The following TRRAP variants were observed in gnomAD, a reference collection of about 807,000 sequenced individuals.
The protein encoded by TRRAP is transformation/transcription domain-associated protein.
In TRRAP, 41 loss-of-function variants were observed where a neutral mutation model predicts 438.8. The observed-to-expected ratio is 0.09, with a 90% confidence interval of 0.07 to 0.12. The LOEUF (loss-of-function observed/expected upper bound fraction) is 0.12, where lower values mean the gene tolerates loss of function less well. Ranked by LOEUF, TRRAP falls within the 10% of genes least tolerant of loss-of-function variation. TRRAP has a pLI of 1.00. For synonymous variants in TRRAP, 1,994 were observed against 1,962.9 expected (o/e 1.02, Z -0.42); for missense variants, 3,122 against 5,055.1 (o/e 0.62, Z 11.60).
At chr7:98,960,627 T>C (rs1235101698) in intron 45 of TRRAP, among the ~76,000 whole-genome samples, 1 of 152,214 alleles carries the variant, frequency 6.6e-6, no homozygotes, top group African/African-American at 2.4e-5. Context: ...AGTCTCACTC[T>C]GTCGCCCAGG....
rs782615427 is a variant in TRRAP at position 98,943,028 on chromosome 7, T to C, written c.4473+11T>C. ...AGGAGCGACGGAAACGTGAGTGACT[T>C]GTTTGTTTCTGGGAAGGGCACCAGC... On this transcript the variant is annotated intron_variant, in intron 31 of 72. Transcript: ENST00000456197. 8.1e-6 allele frequency: 13 copies of C among 1,613,768 alleles called. No individual in the cohort carries two copies. The highest frequency in any genetic ancestry group is 2.7e-5 in the African/African-American group (2 of 74,896).
At chr7:98,993,875 G>C in intron 66 of TRRAP, 138 bp downstream of exon 66, 2 of 801,666 alleles carry the variant, frequency 2.5e-6, no homozygotes, top group South Asian at 3.4e-5. Flanking sequence ...CCATGGACCA[G>C]GCAAATAGCT....
chr7:98,974,578 C>G (rs189874315), intron 53 of TRRAP, among the ~76,000 whole-genome samples: 5 of 152,312 alleles, frequency 3.3e-5, no homozygotes, highest in Admixed American at 3.3e-4. Context: ...ACTTGGGGAG[C>G]AGGAGCGGAC....
chr7:98,984,328 A>G lies in TRRAP; in HGVS notation c.9258A>G (p.Ala3086=). 1 of 1,596,630 alleles carries G rather than the reference A, an allele frequency of 6.3e-7. No individual in the cohort carries two copies. Among genetic ancestry groups the G allele is most frequent in the Non-Finnish European group, 8.5e-7 (1 of 1,169,996 alleles). The change falls in exon 61 of 73, where the codon GCA becomes GCG. Residue 3086 remains alanine (A), a synonymous_variant. Transcript: ENST00000456197. ...RQQVKCYLQL[A]GVMGKNECMQ... is the part of the protein sequence containing the mutation. ...AAGTTAAATGCTACCTCCAGCTGGC[A>G]GGCGTCATGGGCAAAAACGAGTGCA...
chr7:98,927,804 A>G (rs911506323), intron 23 of TRRAP, among the ~76,000 whole-genome samples: 63 of 152,086 alleles, frequency 4.1e-4, no homozygotes, highest in Admixed American at 4.6e-4. Flanking sequence ...TTCTGCTCCC[A>G]GGATCCTCAT....
rs781821183 is a variant in TRRAP at position 98,953,406 on chromosome 7, C to T, written c.5703C>T (p.Phe1901=). 9 of 1,612,422 alleles carry T rather than the reference C, an allele frequency of 5.6e-6. No individual in the cohort carries two copies. Among genetic ancestry groups the T allele is most frequent in the Admixed American group, 3.3e-5 (2 of 59,998 alleles). The change falls in exon 40 of 73, where the codon TTC becomes TTT. Residue 1901 remains phenylalanine, a synonymous_variant. Transcript: ENST00000456197. ...HLLLAHIIAK[F]AIHKKIVLQV... ...TCCTGGCGCACATTATCGCCAAATT[C>T]GCCATACACAAGAAGATCGTCCTGC...
At chr7:98,986,787 A>G (rs1793168914) in intron 62 of TRRAP, among the ~76,000 whole-genome samples, 1 of 152,162 alleles carries the variant, frequency 6.6e-6, no homozygotes, top group African/African-American at 2.4e-5. Flanking sequence ...CCAGGATCAG[A>G]AGCATTTATT....
chr7:98,924,297 C>T (rs913424552), intron 21 of TRRAP, among the ~76,000 whole-genome samples: 14 of 152,140 alleles, frequency 9.2e-5, no homozygotes, highest in Admixed American at 4.6e-4. Flanking sequence ...ATACTTCCAC[C>T]GCCTCTTTTG....
intron 19 of TRRAP, 35 bp from the exon 20 acceptor site, chr7:98,917,388 T>C (rs782039149): frequency 6.2e-7 from 1 of 1,603,444 alleles, no homozygotes; most frequent in East Asian, 2.2e-5. Context: ...CTGGGGAGCG[T>C]CTTCCCTCTC....
chr7:99,002,143 G>GT (rs1793956697), intron 67 of TRRAP, among the ~76,000 whole-genome samples: 1 of 135,872 alleles, frequency 7.4e-6, no homozygotes, highest in African/African-American at 2.7e-5. Flanking sequence ...GGTGGTGGGG[G>GT]TGGGTGGTAG....
intron 19 of TRRAP, among the ~76,000 whole-genome samples, chr7:98,916,780 CCCT>C (rs1554409603): frequency 6.6e-6 from 1 of 152,200 alleles, no homozygotes; most frequent in Non-Finnish European, 1.5e-5. Context: ...CAGCCCCTTG[CCCT>C]CCTCTATCCT....
intron 65 of TRRAP, 48 bp from the exon 66 acceptor site, chr7:98,993,490 C>T (rs1562975717): frequency 3.8e-6 from 6 of 1,590,376 alleles, no homozygotes; most frequent in African/African-American, 2.7e-5. Flanking sequence ...CGAGCCCTGG[C>T]GTCTGTCGGT....
rs373225682 is a variant in TRRAP, at chr7:98,945,765, G to A, written c.4492G>A (p.Gly1498Arg). ...TCCTCAGGAAAGCATTTCCGAGTGC[G>A]GGAGATGTCCCTTGTCTCCATTCTG... ...SDGNESISEC[G>R]RCPLSPFCQF... The change falls in exon 32 of 73, where the codon GGG (glycine) becomes AGG (arginine). Residue 1498 changes from glycine to arginine, a missense_variant. Coordinates refer to ENST00000456197, the MANE Select transcript of TRRAP (RefSeq NM_001375524.1). 1.0e-5 allele frequency: 16 copies of A among 1,598,104 alleles called. No individual in the cohort carries two copies. The African/African-American group carries it at 1.1e-4, about 11-fold the overall frequency.
At chr7:98,946,020 T>G (rs1791042227) in intron 33 of TRRAP, 70 bp downstream of exon 33, 1 of 1,361,442 alleles carries the variant, frequency 7.3e-7, no homozygotes, top group Admixed American at 2.9e-5. Flanking sequence ...TCGTTAGCTG[T>G]GTCGTGGTTC....
rs1791885325 is a variant in TRRAP, at chr7:98,961,401, T to C, written c.6630T>C (p.Cys2210=). The C allele has an allele frequency of 6.2e-7, 1 of 1,614,216 alleles. No individual in the cohort carries two copies. Among genetic ancestry groups the C allele is most frequent in the Non-Finnish European group, 8.5e-7 (1 of 1,180,044 alleles). Reference sequence around the variant, plus strand: ...GTGGAATTGCCGCCTGCATGACATGTGGAAACACCAAGGTGTTGCGAGCCG... The same window carrying C: ...GTGGAATTGCCGCCTGCATGACATGCGGAAACACCAAGGTGTTGCGAGCCG... ...LQRGIAACMT[C]GNTKVLRAVH... is the part of the protein sequence containing the mutation. Residue 2210 remains cysteine, a synonymous_variant, in exon 46 of 73, where the codon TGT becomes TGC. Coordinates refer to ENST00000456197, the MANE Select transcript of TRRAP (RefSeq NM_001375524.1).
rs750633952 is a variant in TRRAP at position 99,011,285 on chromosome 7, C to G, written c.11142+30C>G. ...CCTGCTTTGAACAGCCAGATCCTCT[C>G]CTCGTGACATCGCCTTTCTGCTGAA... On this transcript the variant is annotated intron_variant, in intron 71 of 72. Transcript: ENST00000456197. The surrounding 1 kb of genome is among the most constrained non-coding windows in gnomAD (Gnocchi z 7.1). 6.2e-7 allele frequency: 1 copy of G among 1,612,954 alleles called. No individual in the cohort carries two copies. The highest frequency in any genetic ancestry group is 8.5e-7 in the Non-Finnish European group (1 of 1,178,992).
intron 1 of TRRAP, among the ~76,000 whole-genome samples, chr7:98,879,299 G>T (rs1795312852): frequency 6.6e-6 from 1 of 152,240 alleles, no homozygotes; most frequent in Admixed American, 6.5e-5. Context: ...GGCTCCGCGG[G>T]ACCCCGGGAA....
chr7:99,010,662 AG>A (rs1485783512), intron 70 of TRRAP, among the ~76,000 whole-genome samples: 1 of 152,184 alleles, frequency 6.6e-6, no homozygotes, highest in East Asian at 1.9e-4. Flanking sequence ...ATCTGTCATT[AG>A]TATAAAGTCT....
chr7:98,991,308 C>T (rs1351415945), intron 64 of TRRAP, among the ~76,000 whole-genome samples: 1 of 152,194 alleles, frequency 6.6e-6, no homozygotes, highest in Non-Finnish European at 1.5e-5. Context: ...CCGCAGGAGT[C>T]CGTGAAGGTG....
Sources: allele counts gnomAD v4.1 joint callset (sites outside exome capture counted in the v4.1 genomes callset), GRCh38; gene constraint gnomAD v4.1.1; non-coding constraint Gnocchi (gnomAD v3.1); transcripts MANE v1.5; gene names NCBI Gene and HGNC (gene_info 2026-07-23, HGNC 2026-07-21).